Variants in ADAM12 observed in about 807,000 individuals in gnomAD.
The protein encoded by ADAM12 is disintegrin and metalloproteinase domain-containing protein 12.
In ADAM12, 70 loss-of-function variants were observed where a neutral mutation model predicts 106.4. That is an observed-to-expected ratio of 0.66 (90% CI 0.54 to 0.80). ADAM12 has a LOEUF of 0.80. Ranked by LOEUF, ADAM12 falls within the 30% of genes least tolerant of loss-of-function variation. The probability of loss-of-function intolerance (pLI) is 0.00; values close to 1 mark genes in which losing one functional copy is unlikely to be tolerated. For synonymous variants in ADAM12, 420 were observed against 433.5 expected, an observed-to-expected ratio of 0.97 and a Z score of 0.39; for missense variants, 1,010 against 1,171.9, an observed-to-expected ratio of 0.86 and a Z score of 2.02.
chr10:126,315,071 T>C (rs1377404622), intron 2 of ADAM12, among the ~76,000 whole-genome samples: 1 of 152,202 alleles, frequency 6.6e-6, no homozygotes, highest in Non-Finnish European at 1.5e-5. Context: ...GTTAAACTCA[T>C]TTGCCGTCAT....
intron 3 of ADAM12, among the ~76,000 whole-genome samples, chr10:126,188,483 C>A (rs576466545): frequency 6.6e-6 from 1 of 152,250 alleles, no homozygotes; most frequent in East Asian, 1.9e-4. Context: ...TTCAGGGTTA[C>A]TTTAAACCTA....
At chr10:126,137,533 A>G (rs10751541) in intron 4 of ADAM12, among the ~76,000 whole-genome samples, 68,523 of 152,056 alleles carry the variant, frequency 0.45, 15,678 homozygotes, top group East Asian at 0.54. Flanking sequence ...ATTCATTAGC[A>G]GTCACTTTCC....
chr10:126,070,543 C>G (rs1047016993), intron 12 of ADAM12: 6 of 152,202 alleles, frequency 3.9e-5, no homozygotes, highest in Non-Finnish European at 8.8e-5. Flanking sequence ...AGTCTCAACA[C>G]GATTTCTCCT....
At chr10:126,365,364 T>C (rs1277242717) in intron 1 of ADAM12, among the ~76,000 whole-genome samples, 1 of 152,054 alleles carries the variant, frequency 6.6e-6, no homozygotes, top group Non-Finnish European at 1.5e-5. Flanking sequence ...AAAGTAAATA[T>C]GATAATAATT....
At position 126,109,823 on chromosome 10, in the gene ADAM12, G is replaced by T. The variant is rs1421996958; in HGVS notation, c.621C>A (p.Leu207=). 6.2e-7 allele frequency: 1 copy of T among 1,612,812 alleles called. No individual in the cohort carries two copies. Among genetic ancestry groups the T allele is most frequent in the Non-Finnish European group, 8.5e-7 (1 of 1,179,698 alleles). Residue 207 remains leucine (L), a synonymous_variant, in exon 7 of 23, where the codon CTC becomes CTA. Coordinates refer to ENST00000448723, the MANE Select transcript of ADAM12 (RefSeq NM_001288973.2). ...TWARRHKRET[L]KATKYVELVI... is the part of the protein sequence containing the mutation. Reference sequence around the variant, plus strand: ...CCAGCTCCACATACTTAGTTGCCTTGAGGGTCTCTCTTTTATGCTGCCAAG... The same window carrying T: ...CCAGCTCCACATACTTAGTTGCCTTTAGGGTCTCTCTTTTATGCTGCCAAG...
rs1049927632 is a variant in ADAM12 at position 126,064,598 on chromosome 10, C to T, written c.1609+208G>A. The T allele has an allele frequency of 1.1e-5, 6 of 562,914 alleles. No individual in the cohort carries two copies. The highest frequency in any genetic ancestry group is 3.3e-5 in the Admixed American group (1 of 30,768). The allele number at this position is 562,914 out of a possible 1,614,324, so 34.9% of individuals were successfully genotyped here. A position where few individuals can be genotyped will look rare whatever the true frequency, so the allele number is the denominator to read the frequency against. Reference sequence around the variant, plus strand: ...CACTGAGCTTCTTAAGGCCAGGCTCCAGGCAGTGTCCATTTCTGTGCACCC... The same window carrying T: ...CACTGAGCTTCTTAAGGCCAGGCTCTAGGCAGTGTCCATTTCTGTGCACCC... On this transcript the variant is annotated intron_variant, in intron 14 of 22. Transcript: ENST00000448723. This position sits in a 1 kb window ranked among gnomAD's most constrained non-coding sequence, Gnocchi z 4.4.
intron 3 of ADAM12, among the ~76,000 whole-genome samples, chr10:126,238,742 C>T (rs1018832750): frequency 6.6e-6 from 1 of 152,194 alleles, no homozygotes; most frequent in Non-Finnish European, 1.5e-5. Flanking sequence ...GATGTCATTA[C>T]TTCTTCCAGG....
intron 3 of ADAM12, among the ~76,000 whole-genome samples, chr10:126,217,251 A>T (rs1168423304): frequency 6.6e-6 from 1 of 152,210 alleles, no homozygotes; most frequent in Non-Finnish European, 1.5e-5. Context: ...TACCCAGAAG[A>T]GAGCAAAGGT....
Position 126,013,172 on chromosome 10 carries a change from G to A in ADAM12, c.*4107C>T, listed in dbSNP as rs1590283232. 6.6e-6 allele frequency: 1 copy of A among 152,202 alleles called. No homozygotes were observed. The highest frequency in any genetic ancestry group is 2.1e-4 in the South Asian group (1 of 4,812). The allele number at this position is 152,202 out of a possible 1,614,324, so 9.4% of individuals were successfully genotyped here. On this transcript the variant is annotated 3_prime_UTR_variant, in exon 23 of 23. Coordinates refer to ENST00000448723, the MANE Select transcript of ADAM12 (RefSeq NM_001288973.2). This position sits in a 1 kb window ranked among gnomAD's most constrained non-coding sequence, Gnocchi z 4.3. Reference sequence around the variant, plus strand: ...TGAAACTGTAATGGCTGTACTAGAAGCTGCCATTACTGTTCCAAAAAGTAA... The same window carrying A: ...TGAAACTGTAATGGCTGTACTAGAAACTGCCATTACTGTTCCAAAAAGTAA...
intron 3 of ADAM12, among the ~76,000 whole-genome samples, chr10:126,173,251 A>G (rs1338876882): frequency 6.6e-6 from 1 of 152,170 alleles, no homozygotes; most frequent in African/African-American, 2.4e-5. Flanking sequence ...AACTTAAAGT[A>G]TAATAATAAT....
intron 3 of ADAM12, among the ~76,000 whole-genome samples, chr10:126,166,469 A>G (rs1590543455): frequency 6.6e-6 from 1 of 152,002 alleles, no homozygotes; most frequent in East Asian, 1.9e-4. Context: ...ATGAGGACTT[A>G]CATACCATTT....
chr10:126,058,542 A>C (rs922214360), intron 14 of ADAM12, among the ~76,000 whole-genome samples: 3 of 152,226 alleles, frequency 2.0e-5, no homozygotes, highest in African/African-American at 7.2e-5. Flanking sequence ...TAAGGAAGAA[A>C]ACTTATAAGC....
chr10:126,051,985 A>G (rs1954516664), intron 14 of ADAM12, among the ~76,000 whole-genome samples: 2 of 152,222 alleles, frequency 1.3e-5, no homozygotes, highest in African/African-American at 4.8e-5. Flanking sequence ...ATTTAATCCT[A>G]CAAGGTAGGT....
At chr10:126,207,300 GCTCC>G (rs1315083723) in intron 3 of ADAM12, among the ~76,000 whole-genome samples, 2 of 152,206 alleles carry the variant, frequency 1.3e-5, no homozygotes, top group Non-Finnish European at 2.9e-5. Context: ...GAATGCAATG[GCTCC>G]CAACATATTG....
At chr10:126,369,924 T>A (rs1003332245) in intron 1 of ADAM12, among the ~76,000 whole-genome samples, 1 of 152,162 alleles carries the variant, frequency 6.6e-6, no homozygotes, top group African/African-American at 2.4e-5. Context: ...CAGACCATGA[T>A]TGGATTATAC....
intron 1 of ADAM12, among the ~76,000 whole-genome samples, chr10:126,337,682 G>A (rs1854756652): frequency 6.6e-6 from 1 of 152,158 alleles, no homozygotes; most frequent in Non-Finnish European, 1.5e-5. Context: ...TATCAGCCAT[G>A]TAGGCAACCC....
intron 10 of ADAM12, among the ~76,000 whole-genome samples, chr10:126,098,135 T>C (rs1199630771): frequency 6.6e-6 from 1 of 152,220 alleles, no homozygotes; most frequent in African/African-American, 2.4e-5. Flanking sequence ...GAGGAATTCC[T>C]GGTTTGGAAA....
At chr10:126,168,993 T>C (rs1957072888) in intron 3 of ADAM12, among the ~76,000 whole-genome samples, 1 of 151,862 alleles carries the variant, frequency 6.6e-6, no homozygotes, top group Non-Finnish European at 1.5e-5. Context: ...GCAGAGATTG[T>C]AGTGAGCCGA....
At chr10:126,073,914 GA>G (rs983274313) in intron 11 of ADAM12, among the ~76,000 whole-genome samples, 1 of 152,184 alleles carries the variant, frequency 6.6e-6, no homozygotes, top group African/African-American at 2.4e-5. Context: ...TTGCAATTTA[GA>G]AGGGTATTAT....
Sources: allele counts gnomAD v4.1 joint callset (sites outside exome capture counted in the v4.1 genomes callset), GRCh38; gene constraint gnomAD v4.1.1; non-coding constraint Gnocchi (gnomAD v3.1); transcripts MANE v1.5; gene names NCBI Gene and HGNC (gene_info 2026-07-23, HGNC 2026-07-21).